GRM8: variants seen among roughly 807,000 people sequenced by gnomAD.
GRM8 encodes metabotropic glutamate receptor 8.
Under a neutral mutation model 87.2 loss-of-function variants are expected in GRM8, and 47 were observed. The ratio of observed to expected loss-of-function variants is 0.54; its 90% confidence interval spans 0.43 to 0.69. The LOEUF is 0.69. Among genes scored for constraint, GRM8 ranks in the 30% least tolerant of loss-of-function variants. The pLI is 0.00. For missense variants in GRM8, 1,019 were observed against 1,139.2 expected (o/e 0.89, Z 1.52); for synonymous variants, 396 against 404.5 (o/e 0.98, Z 0.25).
chr7:126,809,675 T>A (rs1280842795), intron 6 of GRM8, among the ~76,000 whole-genome samples: 1 of 152,146 alleles, frequency 6.6e-6, no homozygotes, highest in Non-Finnish European at 1.5e-5. Flanking sequence ...CTAACTACCA[T>A]CCTCTCATCA....
chr7:126,609,677 C>T (rs1029322723), intron 7 of GRM8, among the ~76,000 whole-genome samples, 179 bp from the exon 8 acceptor site: 5 of 152,130 alleles, frequency 3.3e-5, no homozygotes, highest in African/African-American at 1.2e-4. Context: ...AAAAGAAGCC[C>T]AGACATACAC....
chr7:127,009,006 T>G (rs1192005327), intron 3 of GRM8, among the ~76,000 whole-genome samples: 3 of 152,136 alleles, frequency 2.0e-5, no homozygotes, highest in Non-Finnish European at 4.4e-5. Flanking sequence ...TCTTTCTTCT[T>G]TTAGTTTGCC....
At chr7:127,212,330 G>A (rs1796258253) in intron 2 of GRM8, among the ~76,000 whole-genome samples, 1 of 151,784 alleles carries the variant, frequency 6.6e-6, no homozygotes, top group South Asian at 2.1e-4. Flanking sequence ...GAGGTTATTT[G>A]GGTCAAGTTC....
intron 2 of GRM8, among the ~76,000 whole-genome samples, chr7:127,198,923 C>T (rs1392297935): frequency 6.6e-6 from 1 of 151,386 alleles, no homozygotes; most frequent in East Asian, 1.9e-4. Flanking sequence ...TCACTGCAAC[C>T]TTCGCCTCCC....
intron 6 of GRM8, among the ~76,000 whole-genome samples, chr7:126,771,724 A>G (rs1355978588): frequency 2.6e-5 from 4 of 151,918 alleles, no homozygotes; most frequent in African/African-American, 9.7e-5. Flanking sequence ...CCATATCTCT[A>G]CGTAGTCTGC....
intron 7 of GRM8, among the ~76,000 whole-genome samples, chr7:126,621,634 G>T (rs374887299): frequency 6.6e-6 from 1 of 151,888 alleles, no homozygotes; most frequent in Admixed American, 6.6e-5. Context: ...GGCAAGGCTG[G>T]TCTTTAACTC....
chr7:126,838,998 C>A (rs947246647), intron 6 of GRM8, among the ~76,000 whole-genome samples: 1 of 152,126 alleles, frequency 6.6e-6, no homozygotes, highest in Non-Finnish European at 1.5e-5. Flanking sequence ...AGTTCCTATA[C>A]CTACAAATTA....
intron 9 of GRM8, among the ~76,000 whole-genome samples, chr7:126,456,978 G>A (rs945334977): frequency 2.0e-5 from 3 of 151,460 alleles, no homozygotes; most frequent in Non-Finnish European, 4.4e-5. Context: ...CAGATGATCA[G>A]AACCAGGCTT....
At chr7:126,478,160 G>GT (rs751518714) in intron 9 of GRM8, among the ~76,000 whole-genome samples, 2 of 152,134 alleles carry the variant, frequency 1.3e-5, no homozygotes, top group Non-Finnish European at 2.9e-5. Context: ...AGGTTAGGAA[G>GT]TAGGACTATC....
At chr7:126,935,431 A>G (rs1215352021) in intron 3 of GRM8, among the ~76,000 whole-genome samples, 1 of 152,220 alleles carries the variant, frequency 6.6e-6, no homozygotes, top group Non-Finnish European at 1.5e-5. Context: ...ATGCAAACTT[A>G]CTAGAACTGG....
chr7:126,987,801 G>A (rs1188120621), intron 3 of GRM8, among the ~76,000 whole-genome samples: 1 of 152,088 alleles, frequency 6.6e-6, no homozygotes, highest in African/African-American at 2.4e-5. Context: ...ATGTACCTGA[G>A]CAGACAAAGC....
chr7:126,831,429 C>G lies in GRM8; in HGVS notation c.1157-61364G>C, dbSNP rs187118934. ...ATGGCGGGCGCCCCTCCCCCAGCCT[C>G]GCCACCTTGCAGTTTGACCTCAGAT... On this transcript the variant is annotated intron_variant, in intron 6 of 10. Coordinates refer to ENST00000339582, the MANE Select transcript of GRM8 (RefSeq NM_000845.3). Among the ~76,000 whole-genome samples the G allele has an allele frequency of 2.0e-5, 3 of 152,196 alleles. No individual in the cohort carries two copies. The East Asian group carries it at 5.8e-4, about 29-fold the overall frequency.
chr7:127,024,298 G>A (rs1400328164), intron 3 of GRM8, among the ~76,000 whole-genome samples: 1 of 152,066 alleles, frequency 6.6e-6, no homozygotes, highest in African/African-American at 2.4e-5. Context: ...CATGACAGCT[G>A]TTAATATTTT....
intron 6 of GRM8, among the ~76,000 whole-genome samples, chr7:126,841,145 C>A (rs188978166): frequency 6.6e-6 from 1 of 152,202 alleles, no homozygotes; most frequent in African/African-American, 2.4e-5. Context: ...AACAAAATAA[C>A]CCCCAAATTT....
intron 3 of GRM8, among the ~76,000 whole-genome samples, chr7:127,096,899 T>A (rs1336464329): frequency 6.6e-6 from 1 of 152,168 alleles, no homozygotes; most frequent in South Asian, 2.1e-4. Context: ...AAGGTTCCCA[T>A]GCGTTATCAA....
intron 2 of GRM8, among the ~76,000 whole-genome samples, chr7:127,184,458 T>C (rs1794637311): frequency 6.6e-6 from 1 of 151,904 alleles, no homozygotes; most frequent in African/African-American, 2.4e-5. Context: ...TATCCGTGTA[T>C]AATAAAAATT....
intron 8 of GRM8, among the ~76,000 whole-genome samples, chr7:126,590,090 C>T: frequency 6.8e-6 from 1 of 146,586 alleles, no homozygotes; most frequent in East Asian, 2.0e-4. Flanking sequence ...AAGGAGGCAG[C>T]AGAGAAAGGT....
At chr7:126,816,434 A>T (rs565327116) in intron 6 of GRM8, among the ~76,000 whole-genome samples, 1 of 152,116 alleles carries the variant, frequency 6.6e-6, no homozygotes, top group Non-Finnish European at 1.5e-5. Flanking sequence ...TCCACAGGCA[A>T]CCCAGAATAC....
intron 2 of GRM8, among the ~76,000 whole-genome samples, chr7:127,200,637 C>T (rs773466710): frequency 5.9e-5 from 9 of 152,168 alleles, no homozygotes; most frequent in Non-Finnish European, 1.0e-4. Context: ...CTTGCCTCCT[C>T]CAGTGTCTGG....
Sources: gnomAD v4.1 joint callset for allele counts (sites outside exome capture counted in the v4.1 genomes callset) on GRCh38, gnomAD v4.1.1 for gene constraint, MANE v1.5 for transcripts, NCBI Gene and HGNC (gene_info 2026-07-23, HGNC 2026-07-21) for gene names.